Variants in EYS observed in about 807,000 individuals in gnomAD.
The protein encoded by EYS is protein eyes shut homolog.
Under a neutral mutation model 282.1 loss-of-function variants are expected in EYS, and 250 were observed. The ratio of observed to expected loss-of-function variants is 0.89; its 90% confidence interval spans 0.80 to 0.98. The LOEUF (loss-of-function observed/expected upper bound fraction) is 0.98, where lower values mean the gene tolerates loss of function less well. Among genes scored for constraint, EYS ranks in the 50% least tolerant of loss-of-function variants. The probability of loss-of-function intolerance (pLI) is 0.00; values close to 1 mark genes in which losing one functional copy is unlikely to be tolerated. For missense variants in EYS, 4,016 were observed against 3,709.0 expected (o/e 1.08, Z -2.15); for synonymous variants, 1,355 against 1,282.9 (o/e 1.06, Z -1.20).
chr6:64,712,321 T>G (rs559487241), intron 22 of EYS, among the ~76,000 whole-genome samples: 59 of 152,330 alleles, frequency 3.9e-4, no homozygotes, highest in Non-Finnish European at 2.1e-4. Flanking sequence ...CTTCATAAAG[T>G]GTCTTAGTTA....
intron 12 of EYS, among the ~76,000 whole-genome samples, chr6:65,281,075 C>T (rs1768208267): frequency 2.7e-5 from 4 of 148,586 alleles, no homozygotes; most frequent in African/African-American, 9.8e-5. Context: ...ATAATAACAC[C>T]TAACTATTGA....
chr6:64,203,350 A>C (rs1765521232), intron 31 of EYS, among the ~76,000 whole-genome samples: 1 of 152,188 alleles, frequency 6.6e-6, no homozygotes, highest in African/African-American at 2.4e-5. Flanking sequence ...GGTGGTGGGC[A>C]TTACTGTAAA....
intron 1 of EYS, among the ~76,000 whole-genome samples, chr6:65,700,056 A>C (rs1769608949): frequency 7.4e-6 from 1 of 134,974 alleles, no homozygotes; most frequent in Non-Finnish European, 1.5e-5. Flanking sequence ...CAGAGCTTGC[A>C]GTGAGCGGAG....
rs922344838 is a variant in EYS, at chr6:64,901,054, T to C, written c.2846+1059A>G. On this transcript the variant is annotated intron_variant, in intron 18 of 42. Transcript: ENST00000503581. ...GACACATATACACCATGAAATACTATGAGCTATAAAAAAGAATGAGTTCCT... is the reference window on the plus strand; with the variant it reads ...GACACATATACACCATGAAATACTACGAGCTATAAAAAAGAATGAGTTCCT... Among the ~76,000 whole-genome samples, 67 of 67,714 alleles carry C rather than the reference T, an allele frequency of 9.9e-4. 3 individuals carry two copies. Among genetic ancestry groups the C allele is most frequent in the Admixed American group, 8.9e-3 (63 of 7,082 alleles). 44.4% of individuals were successfully genotyped at this position (67,714 alleles called of 152,430 possible).
At chr6:65,077,406 C>A (rs1380055373) in intron 12 of EYS, among the ~76,000 whole-genome samples, 1 of 151,938 alleles carries the variant, frequency 6.6e-6, no homozygotes, top group Non-Finnish European at 1.5e-5. Context: ...CACTATGATT[C>A]AATAAGGTAA....
chr6:65,385,385 A>G (rs1022227316), intron 7 of EYS, among the ~76,000 whole-genome samples: 1 of 151,974 alleles, frequency 6.6e-6, no homozygotes, highest in African/African-American at 2.4e-5. Flanking sequence ...AATAGCATCA[A>G]TAAAATGCTT....
In EYS at chr6:64,945,866, G is replaced by T. The variant is rs992863438; in HGVS notation, c.2308C>A (p.Gln770Lys). Residue 770 changes from glutamine to lysine, a missense_variant, in exon 15 of 43, where the codon CAA becomes AAA. Physicochemically the swap from Gln to Lys is moderately conservative, Grantham distance 53. Coordinates refer to ENST00000503581, the MANE Select transcript of EYS (RefSeq NM_001142800.2). ...LSDWEGNFCEQESNECKMNPC... is the reference protein window; with the variant it reads ...LSDWEGNFCEKESNECKMNPC... ...TTCATTTTACACTCATTGGATTCTT[G>T]TTCACAAAAATTTCCTTCCCAATCA... The T allele has an allele frequency of 1.9e-6, 3 of 1,548,774 alleles. No homozygotes were observed. The Admixed American group carries it at 5.9e-5, about 30-fold the overall frequency.
intron 30 of EYS, among the ~76,000 whole-genome samples, chr6:64,246,177 C>CTT (rs35008552): frequency 5.5e-5 from 8 of 146,720 alleles, no homozygotes; most frequent in African/African-American, 2.0e-4. Context: ...CTTAGGCATC[C>CTT]TTTTTTTTTT....
At chr6:63,722,761 C>G (rs1768454826) in intron 42 of EYS, among the ~76,000 whole-genome samples, 2 of 152,078 alleles carry the variant, frequency 1.3e-5, no homozygotes, top group African/African-American at 2.4e-5. Context: ...TTCCACACCT[C>G]CCTCCTGCAA....
At chr6:65,375,850 A>T (rs896808345) in intron 8 of EYS, among the ~76,000 whole-genome samples, 2 of 152,052 alleles carry the variant, frequency 1.3e-5, no homozygotes, top group African/African-American at 4.8e-5. Context: ...AAAAGAACGA[A>T]CAAAGCCTCA....
At chr6:64,216,156 C>T (rs532595682) in intron 31 of EYS, among the ~76,000 whole-genome samples, 1 of 152,270 alleles carries the variant, frequency 6.6e-6, no homozygotes, top group African/African-American at 2.4e-5. Context: ...GAATTAAGCA[C>T]AGATCCATTG....
Position 65,327,589 on chromosome 6 carries a change from G to T in EYS, c.1766+7391C>A, listed in dbSNP as rs115064124. 2.1e-3 allele frequency among the ~76,000 whole-genome samples: 321 copies of T among 151,470 alleles called. 1 individual carries two copies. Among genetic ancestry groups the T allele is most frequent in the African/African-American group, 7.4e-3 (308 of 41,470 alleles). Reference sequence around the variant, plus strand: ...ATTTTCTATTAATAGTGCATTTTTGGTTTTTGTAGCACACACTTTACTTCA... The same window carrying T: ...ATTTTCTATTAATAGTGCATTTTTGTTTTTTGTAGCACACACTTTACTTCA... On this transcript the variant is annotated intron_variant, in intron 11 of 42. Coordinates refer to ENST00000503581, the MANE Select transcript of EYS (RefSeq NM_001142800.2).
At chr6:64,491,949 C>T (rs187129847) in intron 26 of EYS, among the ~76,000 whole-genome samples, 214 of 151,150 alleles carry the variant, frequency 1.4e-3, no homozygotes, top group Non-Finnish European at 2.6e-3. Flanking sequence ...CCCTTTAATG[C>T]CAAGAGATTT....
At chr6:65,367,205 T>G (rs1764945174) in intron 8 of EYS, among the ~76,000 whole-genome samples, 1 of 151,662 alleles carries the variant, frequency 6.6e-6, no homozygotes, top group Admixed American at 6.7e-5. Context: ...TTTGTGAAAC[T>G]CCTTCTAAAG....
Position 65,071,101 on chromosome 6 carries a change from TAA to T in EYS, c.2024-13376_2024-13375del, listed in dbSNP as rs796270303. Among the ~76,000 whole-genome samples, 31 of 151,976 alleles carry T rather than the reference TAA, an allele frequency of 2.0e-4. 1 individual carries two copies. The highest frequency in any genetic ancestry group is 5.3e-4 in the African/African-American group (22 of 41,528). The stretch of plus-strand genomic sequence containing the variant: ...GACATGTTGTTTTAGTTTTTAATTA[TAA>T]ATTTGTCTTTACTAAAGCCAAACAA... On this transcript the variant is annotated intron_variant, in intron 12 of 42. Transcript: ENST00000503581.
chr6:65,401,982 T>C (rs1441254358), intron 7 of EYS, among the ~76,000 whole-genome samples: 4 of 151,952 alleles, frequency 2.6e-5, no homozygotes, highest in South Asian at 2.1e-4. Flanking sequence ...CTGCCATTTA[T>C]AAATGAGTAA....
At chr6:65,402,446 T>C in intron 7 of EYS, 32 bp downstream of exon 7, 4 of 1,376,390 alleles carry the variant, frequency 2.9e-6, no homozygotes, top group Non-Finnish European at 4.1e-6. Context: ...CCATGTACTT[T>C]GTATTAAAAA....
At chr6:64,672,445 A>T (rs2149897267) in intron 22 of EYS, among the ~76,000 whole-genome samples, 1 of 152,292 alleles carries the variant, frequency 6.6e-6, no homozygotes, top group East Asian at 1.9e-4. Flanking sequence ...ATTCTAATTT[A>T]GGTATAATGG....
chr6:64,441,324 C>G (rs2150468221), intron 26 of EYS, among the ~76,000 whole-genome samples: 1 of 152,276 alleles, frequency 6.6e-6, no homozygotes, highest in South Asian at 2.1e-4. Context: ...TAAAGTTGAG[C>G]AAACTTTCCA....
Sources: gnomAD v4.1 joint callset for allele counts (sites outside exome capture counted in the v4.1 genomes callset) on GRCh38, gnomAD v4.1.1 for gene constraint, MANE v1.5 for transcripts, NCBI Gene and HGNC (gene_info 2026-07-23, HGNC 2026-07-21) for gene names.